CASZ1: variants seen among roughly 807,000 people sequenced by gnomAD.
CASZ1 encodes zinc finger protein castor homolog 1.
In CASZ1, 28 loss-of-function variants were observed where a neutral mutation model predicts 135.2. The ratio of observed to expected loss-of-function variants is 0.21; its 90% CI spans 0.15 to 0.28. The LOEUF is 0.28. CASZ1 is among the 10% of genes least tolerant of loss of function. CASZ1 has a pLI of 1.00. For missense variants in CASZ1, 2,161 were observed against 2,453.3 expected, an observed-to-expected ratio of 0.88 and a Z score of 2.52; for synonymous variants, 1,068 against 1,073.4, an observed-to-expected ratio of 0.99 and a Z score of 0.10.
At chr1:10,640,448 G>A (rs937942786) in intron 20 of CASZ1, among the ~76,000 whole-genome samples, 3 of 152,214 alleles carry the variant, frequency 2.0e-5, no homozygotes, top group Non-Finnish European at 4.4e-5. Flanking sequence ...TTGGACTCGG[G>A]CCAAGACGCC....
At chr1:10,773,911 G>T (rs542633903) in intron 1 of CASZ1, among the ~76,000 whole-genome samples, 123 of 152,360 alleles carry the variant, frequency 8.1e-4, no homozygotes, top group African/African-American at 2.9e-3. Context: ...GCTCAGAGGG[G>T]CCTCACCTCT....
intron 1 of CASZ1, among the ~76,000 whole-genome samples, chr1:10,795,129 C>A (rs1176388842): frequency 6.6e-6 from 1 of 152,190 alleles, no homozygotes; most frequent in African/African-American, 2.4e-5. Context: ...CCGCTCCGCC[C>A]GTCCGGCTCA....
intron 2 of CASZ1, among the ~76,000 whole-genome samples, chr1:10,752,717 C>T (rs1336701552): frequency 6.6e-6 from 1 of 152,192 alleles, no homozygotes; most frequent in Non-Finnish European, 1.5e-5. Flanking sequence ...ATACAGTATG[C>T]CCAGTGAAAT....
Position 10,648,034 on chromosome 1 carries a change from C to A in CASZ1, c.3264G>T (p.Pro1088=), listed in dbSNP as rs765564417. The A allele has an allele frequency of 1.9e-6, 3 of 1,599,508 alleles. No individual in the cohort carries two copies. Among genetic ancestry groups the A allele is most frequent in the East Asian group, 2.2e-5 (1 of 44,448 alleles). The part of the protein sequence containing the change: ...TKPPMAPSSP[P]VPPVTTATVS... ...CCGTGGCCGTGGTGACAGGAGGGAC[C>A]GGAGGGGACGAGGGGGCCATGGGAG... The change falls in exon 16 of 21, where the codon CCG becomes CCT. Residue 1088 remains proline (P), a synonymous_variant. Coordinates refer to ENST00000377022, the MANE Select transcript of CASZ1 (RefSeq NM_001079843.3).
intron 2 of CASZ1, among the ~76,000 whole-genome samples, chr1:10,730,281 G>A (rs1475147525): frequency 2.0e-5 from 3 of 151,982 alleles, no homozygotes; most frequent in East Asian, 1.9e-4. Flanking sequence ...TGATCTGCCC[G>A]CCTCGGCCTC....
chr1:10,711,597 A>AT lies in CASZ1; in HGVS notation c.-76-6054_-76-6053insA, dbSNP rs1639287340. On this transcript the variant is annotated intron_variant, in intron 2 of 20. Transcript: ENST00000377022. This position sits in a 1 kb window ranked among gnomAD's most constrained non-coding sequence, Gnocchi z 4.4. ...GAAAACAGGTACTCAAAAAAAAAAA[A>AT]AAAAGAAAAACAAACAAAACCTTGT... Among the ~76,000 whole-genome samples, 1 of 152,152 alleles carries AT rather than the reference A, an allele frequency of 6.6e-6. No homozygotes were observed. The highest frequency in any genetic ancestry group is 1.5e-5 in the Non-Finnish European group (1 of 68,016).
In CASZ1 at chr1:10,693,934, G is replaced by A. The variant is rs748188189; in HGVS notation, c.-23-22C>T. 25 of 1,610,468 alleles carry A rather than the reference G, an allele frequency of 1.6e-5. No homozygotes were observed. The African/African-American group carries it at 3.3e-4, about 22-fold the overall frequency. On this transcript the variant is annotated intron_variant, in intron 3 of 20. Transcript: ENST00000377022. The stretch of plus-strand genomic sequence containing the variant: ...AACTCTTCGCAGAACGCCACCAGGG[G>A]AAGACCGGGAGAGAAGAAACACGGG...
chr1:10,710,355 G>A (rs1051364979), intron 2 of CASZ1, among the ~76,000 whole-genome samples: 1 of 152,132 alleles, frequency 6.6e-6, no homozygotes, highest in African/African-American at 2.4e-5. Context: ...GGCTCCAGGA[G>A]AAAAGCTGGC....
intron 4 of CASZ1, among the ~76,000 whole-genome samples, chr1:10,675,240 G>C (rs970034011): frequency 6.6e-6 from 1 of 152,220 alleles, no homozygotes; most frequent in African/African-American, 2.4e-5. Context: ...AGCGCACACA[G>C]GGTTTTTGGC....
rs1642702074 is a variant in CASZ1 at position 10,654,018 on chromosome 1, G to A, written c.2039C>T (p.Thr680Ile). 1 of 1,614,108 alleles carries A rather than the reference G, an allele frequency of 6.2e-7. No individual in the cohort carries two copies. The highest frequency in any genetic ancestry group is 1.1e-5 in the South Asian group (1 of 91,096). ...GTGAGAGGTCATCTGGCTGGTGGAG[G>A]TGAAGGTGAAGCCGCAGCCGGCGCG... is the stretch of plus-strand genomic sequence containing the variant. ...CIRAGCGFTF[T>I]STSQMTSHKR... Residue 680 changes from threonine (T) to isoleucine (I), a missense_variant, in exon 11 of 21, where the codon ACC (threonine) becomes ATC (isoleucine). Around this residue, in one of 7 missense-constraint regions of CASZ1, gnomAD observed 248 missense variants for 410.8 expected, o/e 0.60. Coordinates refer to ENST00000377022, the MANE Select transcript of CASZ1 (RefSeq NM_001079843.3).
intron 4 of CASZ1, among the ~76,000 whole-genome samples, 185 bp from the exon 5 acceptor site, chr1:10,665,756 G>C (rs79500648): frequency 0.012 from 1,777 of 152,356 alleles, 33 homozygotes; most frequent in African/African-American, 0.041. Flanking sequence ...CCGTGGCCAT[G>C]CTTGAGAATC....
rs1557456760 is a variant in CASZ1 at position 10,643,235 on chromosome 1, G to C, written c.3945C>G (p.His1315Gln). 6.2e-7 allele frequency: 1 copy of C among 1,613,098 alleles called. No individual in the cohort carries two copies. Among genetic ancestry groups the C allele is most frequent in the East Asian group, 2.2e-5 (1 of 44,888 alleles). Residue 1315 changes from histidine (H) to glutamine (Q), a missense_variant, in exon 19 of 21, where the codon CAC becomes CAG. Transcript: ENST00000377022. ...EGCQFSFLLKHQMTSHARKHM... is the reference protein window; with the variant it reads ...EGCQFSFLLKQQMTSHARKHM... ...GCTTCCGCGCGTGGGAGGTCATCTG[G>C]TGCTTGAGGAGGAAGGAGAACTGGC...
chr1:10,653,964 C>A lies in CASZ1; in HGVS notation c.2093G>T (p.Arg698Leu), dbSNP rs372266528. The A allele has an allele frequency of 6.2e-7, 1 of 1,613,734 alleles. No homozygotes were observed. Among genetic ancestry groups the A allele is most frequent in the East Asian group, 2.2e-5 (1 of 44,884 alleles). Residue 698 changes from arginine (R) to leucine (L), a missense_variant, in exon 11 of 21, where the codon CGC becomes CTC. Physicochemically the swap from Arg to Leu is moderately radical, Grantham distance 102. Coordinates refer to ENST00000377022, the MANE Select transcript of CASZ1 (RefSeq NM_001079843.3). ...HKRKHERRHI[R>L]SSGALGLPPS... ...CGGCAGCCCCAGCGCGCCCGAGGAG[C>A]GGATGTGCCGGCGCTCATGCTTGCG...
At position 10,794,057 on chromosome 1, in the gene CASZ1, G is replaced by A. The variant is rs182424962; in HGVS notation, c.-234+2507C>T. ...GGAGCGCAGCCCCGGCTCAGCCCCCGGGGAACAACTACCCCCCTCCCCATG... is the reference window on the plus strand; with the variant it reads ...GGAGCGCAGCCCCGGCTCAGCCCCCAGGGAACAACTACCCCCCTCCCCATG... On this transcript the variant is annotated intron_variant, in intron 1 of 20. Coordinates refer to ENST00000377022, the MANE Select transcript of CASZ1 (RefSeq NM_001079843.3). This position sits in a 1 kb window ranked among gnomAD's most constrained non-coding sequence, Gnocchi z 5.6. 2.6e-5 allele frequency among the ~76,000 whole-genome samples: 4 copies of A among 152,124 alleles called. No individual in the cohort carries two copies.
Position 10,643,278 on chromosome 1 carries a change from T to C in CASZ1, c.3902A>G (p.His1301Arg). ...CKYNQVNSHF[H>R]CIREGCQFSF... ...GAACTGGCAGCCCTCCCGGATGCAG[T>C]GGAAGTGGCTGTTCACCTGGTTGTA... The change falls in exon 19 of 21, where the codon CAC becomes CGC. Residue 1301 changes from histidine to arginine, a missense_variant. Physicochemically the swap from His to Arg is conservative, Grantham distance 29. Coordinates refer to ENST00000377022, the MANE Select transcript of CASZ1 (RefSeq NM_001079843.3). The C allele has an allele frequency of 6.2e-7, 1 of 1,612,968 alleles. No homozygotes were observed. The highest frequency in any genetic ancestry group is 8.5e-7 in the Non-Finnish European group (1 of 1,179,996).
In CASZ1 at chr1:10,707,391, G is replaced by A. The variant is rs893752182; in HGVS notation, c.-76-1847C>T. On this transcript the variant is annotated intron_variant, in intron 2 of 20. Coordinates refer to ENST00000377022, the MANE Select transcript of CASZ1 (RefSeq NM_001079843.3). The surrounding 1 kb of genome is among the most constrained non-coding windows in gnomAD (Gnocchi z 5.0). ...CCCTGTTTTCTGACAACAAGGGAGC[G>A]CGGGAGACCGGAGCGCTGAACCCAA... Among the ~76,000 whole-genome samples, 1 of 152,188 alleles carries A rather than the reference G, an allele frequency of 6.6e-6. No homozygotes were observed. The highest frequency in any genetic ancestry group is 2.4e-5 in the African/African-American group (1 of 41,432).
intron 18 of CASZ1, among the ~76,000 whole-genome samples, chr1:10,643,714 C>T (rs574337341): frequency 5.3e-5 from 8 of 152,300 alleles, no homozygotes; most frequent in African/African-American, 1.9e-4. Flanking sequence ...GCCCAGGCCC[C>T]AGCACCCACG....
intron 4 of CASZ1, among the ~76,000 whole-genome samples, chr1:10,674,646 C>T (rs1221317718): frequency 1.3e-5 from 2 of 152,260 alleles, no homozygotes; most frequent in African/African-American, 4.8e-5. Context: ...CGGTGCCTCC[C>T]TGATGCTCCA....
At position 10,717,749 on chromosome 1, in the gene CASZ1, C is replaced by T. The variant is rs773669647; in HGVS notation, c.-76-12205G>A. 1.3e-4 allele frequency among the ~76,000 whole-genome samples: 20 copies of T among 152,148 alleles called. No individual in the cohort carries two copies. Among genetic ancestry groups the T allele is most frequent in the Admixed American group, 3.3e-4 (5 of 15,278 alleles). On this transcript the variant is annotated intron_variant, in intron 2 of 20. Transcript: ENST00000377022. This position sits in a 1 kb window ranked among gnomAD's most constrained non-coding sequence, Gnocchi z 4.6. ...CGGCACCCTGAACTCGGTCCCAGGG[C>T]GTGGCATGGGGCTTCCTGACCCAAC...
Sources: allele counts gnomAD v4.1 joint callset (sites outside exome capture counted in the v4.1 genomes callset), GRCh38; gene constraint gnomAD v4.1.1; regional missense constraint gnomAD v4.1.1; non-coding constraint Gnocchi (gnomAD v3.1); transcripts MANE v1.5; gene names NCBI Gene and HGNC (gene_info 2026-07-23, HGNC 2026-07-21).